The following CEP97 variants were observed in gnomAD, a reference collection of about 807,000 sequenced individuals.
CEP97 encodes the protein centrosomal protein of 97 kDa.
In CEP97, 43 loss-of-function variants were observed where a neutral mutation model predicts 73.1. The observed-to-expected ratio is 0.59, with a 90% CI of 0.46 to 0.76. The LOEUF (loss-of-function observed/expected upper bound fraction) is 0.76. Among genes scored for constraint, CEP97 ranks in the 30% least tolerant of loss-of-function variants. The pLI is 0.00. For missense variants in CEP97, 939 were observed against 1,014.0 expected (o/e 0.93, Z 1.00); for synonymous variants, 337 against 370.0 (o/e 0.91, Z 1.02).
intron 6 of CEP97, among the ~76,000 whole-genome samples, chr3:101,743,871 G>A (rs188997071): frequency 5.3e-4 from 80 of 152,140 alleles, no homozygotes; most frequent in Non-Finnish European, 8.2e-4. Flanking sequence ...GGGTATGGTC[G>A]CGCGTGCCTA....
chr3:101,724,781 G>A (rs1034418154), intron 1 of CEP97, 62 bp downstream of exon 1: 3 of 1,554,854 alleles, frequency 1.9e-6, no homozygotes, highest in Non-Finnish European at 2.7e-6. Context: ...AAATAGTGGA[G>A]AGCAGAAAAC....
At position 101,758,074 on chromosome 3, in the gene CEP97, A is replaced by G; in HGVS notation, c.1468A>G (p.Ile490Val). Residue 490 changes from isoleucine (I) to valine (V), a missense_variant, in exon 9 of 11, where the codon ATC (isoleucine) becomes GTC (valine). By Grantham distance (29) the Ile-to-Val change is conservative. Transcript: ENST00000341893. The stretch of plus-strand genomic sequence containing the variant: ...ATTACCTTGTCCTGAGCCAACAATA[A>G]TCAGTGCTATCTTGAAGGATGATAA... ...GLLPCPEPTI[I>V]SAILKDDNHS... 1 of 1,614,258 alleles carries G rather than the reference A, an allele frequency of 6.2e-7. No homozygotes were observed. Among genetic ancestry groups the G allele is most frequent in the Non-Finnish European group, 8.5e-7 (1 of 1,180,048 alleles).
chr3:101,737,450 C>T (rs1348901470), intron 6 of CEP97, among the ~76,000 whole-genome samples: 3 of 151,492 alleles, frequency 2.0e-5, no homozygotes, highest in African/African-American at 7.3e-5. Flanking sequence ...TGAGTAAAGT[C>T]AAGTTACAAA....
chr3:101,740,878 C>T (rs761642926), intron 6 of CEP97, among the ~76,000 whole-genome samples: 2 of 152,146 alleles, frequency 1.3e-5, no homozygotes, highest in South Asian at 2.1e-4. Flanking sequence ...CGTGAGCCAG[C>T]GCACCCGGTC....
At chr3:101,730,677 A>G (rs1938081694) in intron 4 of CEP97, among the ~76,000 whole-genome samples, 1 of 151,826 alleles carries the variant, frequency 6.6e-6, no homozygotes, top group African/African-American at 2.4e-5. Flanking sequence ...TGTAGCATGT[A>G]GCACTTTTTA....
Position 101,766,764 on chromosome 3 carries a change from C to G in CEP97, c.*1213C>G, listed in dbSNP as rs1237930912. Reference sequence around the variant, plus strand: ...ACAACATGTATTTGGTTTCCCTCAACTTACAGACATACAGCTATTTAAAAC... The same window carrying G: ...ACAACATGTATTTGGTTTCCCTCAAGTTACAGACATACAGCTATTTAAAAC... On this transcript the variant is annotated 3_prime_UTR_variant, in exon 11 of 11. Transcript: ENST00000341893. 1.3e-5 allele frequency: 2 copies of G among 152,198 alleles called. No individual in the cohort carries two copies. The allele number at this position is 152,198 out of a possible 1,614,324, so 9.4% of individuals were successfully genotyped here. A position where few individuals can be genotyped will look rare whatever the true frequency, so the allele number is the denominator to read the frequency against.
intron 6 of CEP97, among the ~76,000 whole-genome samples, chr3:101,747,292 C>G (rs1938650008): frequency 7.0e-6 from 1 of 143,504 alleles, no homozygotes; most frequent in African/African-American, 2.6e-5. Flanking sequence ...CGGAATCTCA[C>G]TCTGTCGCCC....
At position 101,724,733 on chromosome 3, in the gene CEP97, T is replaced by A; in HGVS notation, c.43+14T>A. ...CTCCCGGAGAAGGTAAGGCGATCCC[T>A]ACCCCGAGTCCTAAGGTTTACTTCA... On this transcript the variant is annotated intron_variant, in intron 1 of 10. Transcript: ENST00000341893. 1.9e-6 allele frequency: 3 copies of A among 1,613,928 alleles called. No individual in the cohort carries two copies. The highest frequency in any genetic ancestry group is 2.5e-6 in the Non-Finnish European group (3 of 1,179,760).
At chr3:101,764,808 TTTTTA>T (rs755878856) in intron 10 of CEP97, 34 bp from the exon 11 acceptor site, 29 of 1,529,184 alleles carry the variant, frequency 1.9e-5, no homozygotes, top group Non-Finnish European at 2.5e-5. Flanking sequence ...AAAACAACAC[TTTTTA>T]TTTTATAATA....
At chr3:101,761,158 T>A (rs1477551002) in intron 9 of CEP97, among the ~76,000 whole-genome samples, 1 of 152,150 alleles carries the variant, frequency 6.6e-6, no homozygotes, top group African/African-American at 2.4e-5. Flanking sequence ...TGAGCCACTG[T>A]GCCCAGGCTG....
chr3:101,746,138 CT>C (rs1938607967), intron 6 of CEP97, among the ~76,000 whole-genome samples: 1 of 152,162 alleles, frequency 6.6e-6, no homozygotes, highest in African/African-American at 2.4e-5. Context: ...GCCACATTTT[CT>C]TAATCCAGTC....
Position 101,762,524 on chromosome 3 carries a change from T to C in CEP97, c.1857T>C (p.Phe619=), listed in dbSNP as rs1413259543. The change falls in exon 10 of 11, where the codon TTT becomes TTC. Residue 619 remains phenylalanine, a synonymous_variant. Coordinates refer to ENST00000341893, the MANE Select transcript of CEP97 (RefSeq NM_024548.4). ...GAGATGAAGAACGTATTAAAAAATT[T>C]GTACAAGAAGAAGCTTTCAGATTCC... ...KERDEERIKK[F]VQEEAFRFLW... 6.2e-7 allele frequency: 1 copy of C among 1,611,454 alleles called. No individual in the cohort carries two copies. The highest frequency in any genetic ancestry group is 8.5e-7 in the Non-Finnish European group (1 of 1,178,740).
intron 1 of CEP97, 128 bp downstream of exon 1, chr3:101,724,847 C>A: frequency 2.0e-6 from 2 of 982,380 alleles, no homozygotes; most frequent in South Asian, 1.5e-5. Context: ...CTGTGGTCGT[C>A]GCGGAGGCGG....
intron 7 of CEP97, 25 bp from the exon 8 acceptor site, chr3:101,757,038 T>A: frequency 6.3e-7 from 1 of 1,580,612 alleles, no homozygotes; most frequent in Non-Finnish European, 8.6e-7. Context: ...TGTGTTAAAT[T>A]AGACCAGGTA....
chr3:101,745,949 C>T (rs1459058016), intron 6 of CEP97, among the ~76,000 whole-genome samples: 1 of 152,080 alleles, frequency 6.6e-6, no homozygotes, highest in African/African-American at 2.4e-5. Context: ...TGTACCCCTT[C>T]CTGTGTCCAT....
At position 101,768,460 on chromosome 3, in the gene CEP97, C is replaced by T. The variant is rs980557828; in HGVS notation, c.*2909C>T. 2.0e-5 allele frequency: 3 copies of T among 152,106 alleles called. No homozygotes were observed. The highest frequency in any genetic ancestry group is 4.4e-5 in the Non-Finnish European group (3 of 68,026). 9.4% of individuals were successfully genotyped at this position (152,106 alleles called of 1,614,324 possible). A position where few individuals can be genotyped will look rare whatever the true frequency, so the allele number is the denominator to read the frequency against. ...AGTTGCTTGTAGAAAATAACTAATT[C>T]CTTCAGAACCCTGAGTGAATTTTTT... is the stretch of plus-strand genomic sequence containing the variant. On this transcript the variant is annotated 3_prime_UTR_variant, in exon 11 of 11. Coordinates refer to ENST00000341893, the MANE Select transcript of CEP97 (RefSeq NM_024548.4).
chr3:101,765,677 T>A lies in CEP97; in HGVS notation c.*126T>A. 1 of 695,270 alleles carries A rather than the reference T, an allele frequency of 1.4e-6. No individual in the cohort carries two copies. The highest frequency in any genetic ancestry group is 2.4e-6 in the Non-Finnish European group (1 of 421,814). 43.1% of individuals were successfully genotyped at this position (695,270 alleles called of 1,614,324 possible). ...GTTACTACTTATATAGAATTTGTAT[T>A]CATGTCTTATATTTTTCAGATTCTA... On this transcript the variant is annotated 3_prime_UTR_variant, in exon 11 of 11. Transcript: ENST00000341893.
chr3:101,755,715 C>T, intron 7 of CEP97, 121 bp downstream of exon 7: 1 of 904,622 alleles, frequency 1.1e-6, no homozygotes, highest in East Asian at 2.5e-5. Context: ...CACTCAGTCC[C>T]CTTGTCACTG....
At chr3:101,746,169 G>C (rs1162691444) in intron 6 of CEP97, among the ~76,000 whole-genome samples, 1 of 152,102 alleles carries the variant, frequency 6.6e-6, no homozygotes, top group African/African-American at 2.4e-5. Flanking sequence ...TGGACATTTG[G>C]GTTGGTTCCA....
Sources: gnomAD v4.1 joint callset for allele counts (sites outside exome capture counted in the v4.1 genomes callset) on GRCh38, gnomAD v4.1.1 for gene constraint, MANE v1.5 for transcripts, NCBI Gene and HGNC (gene_info 2026-07-23, HGNC 2026-07-21) for gene names.